WNK1: variants seen among roughly 807,000 people sequenced by gnomAD.
WNK1 encodes the protein serine/threonine-protein kinase WNK1.
Under a neutral mutation model 222.8 loss-of-function variants are expected in WNK1, and 38 were observed. That is an observed-to-expected ratio of 0.17 (90% CI 0.13 to 0.22). The LOEUF (loss-of-function observed/expected upper bound fraction) is 0.22. Among genes scored for constraint, WNK1 ranks in the 10% least tolerant of loss-of-function variants. The pLI is 1.00. For synonymous variants in WNK1, 1,090 were observed against 1,092.9 expected (o/e 1.00, Z 0.05); for missense variants, 2,348 against 2,918.4 (o/e 0.80, Z 4.50).
chr12:773,939 T>TTG (rs1942825052), intron 1 of WNK1, among the ~76,000 whole-genome samples: 1 of 152,196 alleles, frequency 6.6e-6, no homozygotes, highest in Non-Finnish European at 1.5e-5. Context: ...CTCCACAAGG[T>TTG]TGTAACCATG....
chr12:890,770 A>C (rs758748406), intron 22 of WNK1, among the ~76,000 whole-genome samples: 1 of 152,226 alleles, frequency 6.6e-6, no homozygotes, highest in African/African-American at 2.4e-5. Context: ...AGAGATTAGG[A>C]AATTAAAGCA....
intron 8 of WNK1, chr12:865,306 A>G (rs1196836914): frequency 4.6e-6 from 7 of 1,535,860 alleles, no homozygotes; most frequent in Admixed American, 2.0e-5. Context: ...CTGCCTATGC[A>G]CTCTGCCTCT....
intron 3 of WNK1, among the ~76,000 whole-genome samples, chr12:829,042 T>G (rs1430712970): frequency 6.6e-6 from 1 of 152,212 alleles, no homozygotes; most frequent in Non-Finnish European, 1.5e-5. Context: ...GCTGAATTTC[T>G]TTTTTTGCCT....
intron 2 of WNK1, among the ~76,000 whole-genome samples, chr12:817,624 A>G (rs1390491792): frequency 6.6e-6 from 1 of 152,080 alleles, no homozygotes; most frequent in African/African-American, 2.4e-5. Flanking sequence ...GAAAAATAAG[A>G]TGGGAATGTA....
At chr12:865,356 G>T in intron 8 of WNK1, 1 of 1,536,016 alleles carries the variant, frequency 6.5e-7, no homozygotes. Context: ...TTCCCTCTTT[G>T]TCAGTACTGT....
At chr12:801,024 T>TC (rs1249923028) in intron 1 of WNK1, among the ~76,000 whole-genome samples, 1 of 152,238 alleles carries the variant, frequency 6.6e-6, no homozygotes, top group African/African-American at 2.4e-5. Context: ...TCAGGTACCC[T>TC]CCAACTATAT....
At chr12:804,248 A>G (rs1478531470) in intron 1 of WNK1, among the ~76,000 whole-genome samples, 10 of 152,222 alleles carry the variant, frequency 6.6e-5, no homozygotes, top group Non-Finnish European at 1.5e-5. Context: ...GTCAAAATCA[A>G]GTAATGTTCA....
chr12:896,363 C>G lies in WNK1; in HGVS notation c.5876C>G (p.Ser1959Cys), dbSNP rs1488716255. 6.2e-7 allele frequency: 1 copy of G among 1,614,178 alleles called. No individual in the cohort carries two copies. ...TTTANKVGRF[S>C]VSKTEDKITD... ...ACAGCAAACAAAGTGGGTCGTTTCTCTGTATCAAAAACTGAGGACAAGATC... is the reference window on the plus strand; with the variant it reads ...ACAGCAAACAAAGTGGGTCGTTTCTGTGTATCAAAAACTGAGGACAAGATC... Residue 1959 changes from serine to cysteine, a missense_variant, in exon 24 of 28, where the codon TCT becomes TGT. Around this residue, in one of 13 missense-constraint regions of WNK1, gnomAD observed 1,144 missense variants for 1,273.6 expected, o/e 0.90. Coordinates refer to ENST00000315939, the MANE Select transcript of WNK1 (RefSeq NM_018979.4).
At chr12:846,633 A>T (rs576314807) in intron 4 of WNK1, among the ~76,000 whole-genome samples, 4 of 152,192 alleles carry the variant, frequency 2.6e-5, no homozygotes, top group African/African-American at 9.6e-5. Flanking sequence ...ATAACAACCA[A>T]GTTAGAAATA....
intron 1 of WNK1, among the ~76,000 whole-genome samples, chr12:757,432 TCTC>T (rs1163599760): frequency 6.7e-6 from 1 of 150,350 alleles, no homozygotes; most frequent in Non-Finnish European, 1.5e-5. Flanking sequence ...TTCAAGCGAT[TCTC>T]CTGCCTCAGC....
At chr12:757,351 G>GTATTT in intron 1 of WNK1, among the ~76,000 whole-genome samples, 1 of 125,730 alleles carries the variant, frequency 8.0e-6, no homozygotes, top group South Asian at 2.6e-4. Flanking sequence ...AAAAGAGACG[G>GTATTT]AGTCTTGCTC....
intron 1 of WNK1, among the ~76,000 whole-genome samples, chr12:755,100 T>G (rs1036184336): frequency 2.0e-5 from 3 of 152,200 alleles, no homozygotes; most frequent in African/African-American, 7.2e-5. Context: ...TAACCTCTAG[T>G]GGTGTAAATA....
intron 4 of WNK1, among the ~76,000 whole-genome samples, chr12:841,385 T>C (rs1403180061): frequency 3.3e-5 from 5 of 152,234 alleles, no homozygotes; most frequent in Admixed American, 3.3e-4. Context: ...GTGTCTGGCT[T>C]CTTTCACTTA....
intron 1 of WNK1, among the ~76,000 whole-genome samples, chr12:810,563 G>C (rs1443887250): frequency 6.6e-6 from 1 of 152,168 alleles, no homozygotes; most frequent in African/African-American, 2.4e-5. Flanking sequence ...TAGTCTCACT[G>C]CTCCATTAGC....
chr12:859,140 A>AT, intron 5 of WNK1, 105 bp from the exon 6 acceptor site: 3 of 1,006,462 alleles, frequency 3.0e-6, no homozygotes, highest in Middle Eastern at 2.2e-4. Flanking sequence ...ATTTTTTCCC[A>AT]TTTTTTTCTT....
In WNK1 at chr12:890,454, C is replaced by T; in HGVS notation, c.5450C>T (p.Pro1817Leu). The T allele has an allele frequency of 1.9e-6, 3 of 1,614,090 alleles. No homozygotes were observed. The highest frequency in any genetic ancestry group is 2.5e-6 in the Non-Finnish European group (3 of 1,179,992). ...TGTCTGTCTGTGTGTGTTTTACAGC[C>T]TGTGTCCATGGCGGCTCCAACAGCA... ...EMITVTSAVGPVSMAAPTAIT... is the reference protein window; with the variant it reads ...EMITVTSAVGLVSMAAPTAIT... The change falls in exon 22 of 28, where the codon CCT becomes CTT. Residue 1817 changes from proline (P) to leucine (L), a missense_variant and splice_region_variant. Around this residue, in one of 13 missense-constraint regions of WNK1, gnomAD observed 1,144 missense variants for 1,273.6 expected, o/e 0.90. Transcript: ENST00000315939.
chr12:813,490 A>G (rs1452683708), intron 1 of WNK1, 152 bp from the exon 2 acceptor site: 4 of 768,718 alleles, frequency 5.2e-6, no homozygotes, highest in Non-Finnish European at 8.3e-6. Flanking sequence ...GCATGAATGT[A>G]TATAATCCAA....
At chr12:869,247 G>A in intron 8 of WNK1, 2 of 1,267,798 alleles carry the variant, frequency 1.6e-6, no homozygotes, top group Admixed American at 1.7e-5. Context: ...CATCTTTGGG[G>A]GGTTGTGAAC....
intron 1 of WNK1, among the ~76,000 whole-genome samples, chr12:762,810 G>A (rs1488436705): frequency 6.8e-6 from 1 of 146,136 alleles, no homozygotes; most frequent in Non-Finnish European, 1.5e-5. Flanking sequence ...GCAATGGCGC[G>A]ATCTCGGCTC....
Sources: allele counts gnomAD v4.1 joint callset (sites outside exome capture counted in the v4.1 genomes callset), GRCh38; gene constraint gnomAD v4.1.1; regional missense constraint gnomAD v4.1.1; transcripts MANE v1.5; gene names NCBI Gene and HGNC (gene_info 2026-07-23, HGNC 2026-07-21).